Variants in PBRM1 observed in about 807,000 individuals in gnomAD.
PBRM1 encodes polybromo 1.
In PBRM1, 27 loss-of-function variants were observed where a neutral mutation model predicts 194.5. The observed-to-expected ratio is 0.14, with a 90% CI of 0.10 to 0.19. PBRM1 has a LOEUF of 0.19. Ranked by LOEUF, PBRM1 falls within the 10% of genes least tolerant of loss-of-function variation. The probability of loss-of-function intolerance (pLI) is 1.00; values close to 1 mark genes in which losing one functional copy is unlikely to be tolerated. For synonymous variants in PBRM1, 655 were observed against 693.2 expected, an observed-to-expected ratio of 0.94 and a Z score of 0.87; for missense variants, 1,466 against 2,077.2, an observed-to-expected ratio of 0.71 and a Z score of 5.72.
chr3:52,592,460 C>A (rs2093180435), intron 17 of PBRM1, among the ~76,000 whole-genome samples: 1 of 152,142 alleles, frequency 6.6e-6, no homozygotes, highest in South Asian at 2.1e-4. Context: ...TGTGATGAAT[C>A]ACATTTATTG....
chr3:52,601,455 T>C (rs924676927), intron 17 of PBRM1, among the ~76,000 whole-genome samples: 4 of 152,110 alleles, frequency 2.6e-5, no homozygotes, highest in African/African-American at 9.7e-5. Context: ...ACATACACAG[T>C]CCACAATAGG....
At chr3:52,587,551 T>C (rs780000655) in intron 18 of PBRM1, 41 bp from the exon 21 acceptor site, 4 of 1,202,032 alleles carry the variant, frequency 3.3e-6, no homozygotes, top group Non-Finnish European at 4.7e-6. Flanking sequence ...AGAAAGAGAA[T>C]CATTGTTAAC....
intron 13 of PBRM1, among the ~76,000 whole-genome samples, chr3:52,620,158 A>T (rs2095207160): frequency 6.6e-6 from 1 of 152,228 alleles, no homozygotes; most frequent in Non-Finnish European, 1.5e-5. Flanking sequence ...GGATAATACA[A>T]GGGAAGTTAG....
chr3:52,554,289 A>C (rs1170417264), intron 27 of PBRM1, among the ~76,000 whole-genome samples: 1 of 152,234 alleles, frequency 6.6e-6, no homozygotes, highest in African/African-American at 2.4e-5. Context: ...ATACCCTGTG[A>C]GATAAGAATT....
rs953732217 is a variant in PBRM1 at position 52,595,197 on chromosome 3, AT to A, written c.2780-5943del. Reference sequence around the variant, plus strand: ...TCTTTAAAGTTGCTGTCCTTTGGCTATTTTTTTTTTCATTCTTTTATCCTAT... The same window carrying A: ...TCTTTAAAGTTGCTGTCCTTTGGCTATTTTTTTTTCATTCTTTTATCCTAT... On this transcript the variant is annotated intron_variant, in intron 17 of 29. Transcript: ENST00000296302. Among the ~76,000 whole-genome samples, 47 of 147,120 alleles carry A rather than the reference AT, an allele frequency of 3.2e-4. No homozygotes were observed. The East Asian group carries it at 3.4e-3, about 11-fold the overall frequency.
intron 5 of PBRM1, among the ~76,000 whole-genome samples, chr3:52,656,946 T>C (rs2096619123): frequency 6.6e-6 from 1 of 152,182 alleles, no homozygotes; most frequent in South Asian, 2.1e-4. Flanking sequence ...AGGTATTATA[T>C]AGAAATAACA....
chr3:52,553,680 T>G (rs541862630), intron 27 of PBRM1, among the ~76,000 whole-genome samples: 1,576 of 148,904 alleles, frequency 0.011, 22 homozygotes, highest in Non-Finnish European at 0.012. Flanking sequence ...TTTTTTTTTT[T>G]TGACACGGAG....
chr3:52,661,925 C>T (rs774032690), intron 4 of PBRM1, among the ~76,000 whole-genome samples: 1 of 152,162 alleles, frequency 6.6e-6, no homozygotes, highest in Non-Finnish European at 1.5e-5. Flanking sequence ...ATGAAAATTA[C>T]CACACATGGC....
intron 21 of PBRM1, among the ~76,000 whole-genome samples, chr3:52,577,949 C>T (rs931960113): frequency 1.3e-5 from 2 of 152,116 alleles, no homozygotes; most frequent in Non-Finnish European, 2.9e-5. Flanking sequence ...CTCTGAGGCC[C>T]TATGTGATAT....
chr3:52,644,860 C>G, intron 7 of PBRM1, 71 bp from the exon 9 acceptor site: 2 of 665,510 alleles, frequency 3.0e-6, no homozygotes, highest in Non-Finnish European at 5.3e-6. Flanking sequence ...CCAACTCATG[C>G]AATGGGCACC....
At chr3:52,554,429 A>G (rs367565004) in intron 27 of PBRM1, among the ~76,000 whole-genome samples, 1 of 152,376 alleles carries the variant, frequency 6.6e-6, no homozygotes, top group East Asian at 1.9e-4. Context: ...TTTCAAGGAC[A>G]TGTCAAATTA....
At chr3:52,574,935 C>CT (rs2088924359) in intron 22 of PBRM1, among the ~76,000 whole-genome samples, 1 of 152,180 alleles carries the variant, frequency 6.6e-6, no homozygotes, top group Admixed American at 6.5e-5. Context: ...GGGTCTCACT[C>CT]TGTTGCCCAG....
chr3:52,613,603 G>A (rs1012976717), intron 15 of PBRM1, among the ~76,000 whole-genome samples: 1 of 151,784 alleles, frequency 6.6e-6, no homozygotes, highest in Non-Finnish European at 1.5e-5. Flanking sequence ...CTTGGCCTCC[G>A]AACGCACTGG....
intron 18 of PBRM1, 81 bp from the exon 21 acceptor site, chr3:52,587,591 A>T (rs1396839102): frequency 1.0e-3 from 853 of 814,542 alleles, no homozygotes; most frequent in Non-Finnish European, 1.3e-3. Context: ...TTTTTTTTTT[A>T]AAGAGACTGG....
upstream of PBRM1, among the ~76,000 whole-genome samples, chr3:52,683,017 C>T (rs947607993): frequency 2.0e-5 from 3 of 151,870 alleles, no homozygotes; most frequent in Non-Finnish European, 4.4e-5. Flanking sequence ...CTGGCTAACA[C>T]GGTGAAACCC....
intron 13 of PBRM1, among the ~76,000 whole-genome samples, chr3:52,626,968 A>T (rs1464153770): frequency 2.0e-5 from 3 of 151,024 alleles, no homozygotes; most frequent in Non-Finnish European, 4.4e-5. Flanking sequence ...CCCAAGTTAG[A>T]TTTAAGTGGC....
chr3:52,624,923 CTCACTG>C, intron 13 of PBRM1: 1 of 1,548,390 alleles, frequency 6.5e-7, no homozygotes, highest in South Asian at 1.2e-5. Flanking sequence ...GACCCAACAT[CTCACTG>C]TCATGAGTGT....
At chr3:52,547,012 T>A (rs2079766505), downstream of PBRM1, 3 of 233,336 alleles carry the variant, frequency 1.3e-5, no homozygotes, top group East Asian at 1.8e-4. Context: ...ATCAATCTAC[T>A]TGTTCACAAT....
intron 27 of PBRM1, among the ~76,000 whole-genome samples, chr3:52,552,100 T>C (rs2081114291): frequency 6.6e-6 from 1 of 152,210 alleles, no homozygotes; most frequent in African/African-American, 2.4e-5. Flanking sequence ...AGGATCCTGA[T>C]GATTATTCGT....
Sources: gnomAD v4.1 joint callset for allele counts (sites outside exome capture counted in the v4.1 genomes callset) on GRCh38, gnomAD v4.1.1 for gene constraint, MANE v1.5 for transcripts, NCBI Gene and HGNC (gene_info 2026-07-23, HGNC 2026-07-21) for gene names.